The following KYAT3 variants were observed in gnomAD, a reference collection of about 807,000 sequenced individuals.
The protein encoded by KYAT3 is kynurenine--oxoglutarate transaminase 3.
In KYAT3, 50 loss-of-function variants were observed where a neutral mutation model predicts 59.0. The ratio of observed to expected loss-of-function variants is 0.85; its 90% CI spans 0.68 to 1.07. KYAT3 has a LOEUF of 1.07. Ranked by LOEUF, KYAT3 falls within the 50% of genes least tolerant of loss-of-function variation. The pLI is 0.00. For synonymous variants in KYAT3, 148 were observed against 177.0 expected, an observed-to-expected ratio of 0.84 and a Z score of 1.30; for missense variants, 497 against 533.3, an observed-to-expected ratio of 0.93 and a Z score of 0.67.
At chr1:88,970,873 T>C (rs1676531098) in intron 2 of KYAT3, among the ~76,000 whole-genome samples, 1 of 152,220 alleles carries the variant, frequency 6.6e-6, no homozygotes, top group South Asian at 2.1e-4. Context: ...AAATAGACCA[T>C]TGTTCTCATT....
the KYAT3 span, among the ~76,000 whole-genome samples, chr1:88,922,412 G>A: frequency 6.6e-6 from 1 of 152,182 alleles, no homozygotes; most frequent in Non-Finnish European, 1.5e-5. Context: ...CCTCCAGGTG[G>A]CAGACTGGTA....
chr1:88,963,192 A>G (rs775553150), intron 5 of KYAT3, among the ~76,000 whole-genome samples: 8 of 152,170 alleles, frequency 5.3e-5, no homozygotes, highest in Non-Finnish European at 1.0e-4. Context: ...AGTGACATGT[A>G]TGTGGTTTCA....
chr1:88,985,314 C>T (rs1482051928), intron 2 of KYAT3, among the ~76,000 whole-genome samples: 1 of 152,208 alleles, frequency 6.6e-6, no homozygotes, highest in Non-Finnish European at 1.5e-5. Flanking sequence ...TCAGCTCCCC[C>T]AATCACAGCT....
Position 88,968,674 on chromosome 1 carries a change from C to A in KYAT3, c.299G>T (p.Gly100Val). 6 of 1,563,942 alleles carry A rather than the reference C, an allele frequency of 3.8e-6. No homozygotes were observed. The highest frequency in any genetic ancestry group is 4.3e-6 in the Non-Finnish European group (5 of 1,164,014). The change falls in exon 4 of 14, where the codon GGC becomes GTC. Residue 100 changes from glycine (G) to valine (V), a missense_variant. Around this residue, in one of 2 missense-constraint regions of KYAT3, gnomAD observed 469 missense variants for 479.1 expected, o/e 0.98. Coordinates refer to ENST00000260508, the MANE Select transcript of KYAT3 (RefSeq NM_001008661.3). ...AIDSLNQYTR[G>V]FGHPSLVKAL... Reference sequence around the variant, plus strand: ...ATATGGTCTTGATATACTTACAAAGCCTCGTGTATACTGATTCAGGCTATC... The same window carrying A: ...ATATGGTCTTGATATACTTACAAAGACTCGTGTATACTGATTCAGGCTATC...
At chr1:88,940,567 T>G (rs1310796437) in intron 13 of KYAT3, among the ~76,000 whole-genome samples, 1 of 152,096 alleles carries the variant, frequency 6.6e-6, no homozygotes, top group African/African-American at 2.4e-5. Context: ...CCTTGTCTCA[T>G]AGTAAAATTT....
downstream of KYAT3, among the ~76,000 whole-genome samples, chr1:88,932,693 A>C (rs952197190): frequency 1.2e-4 from 18 of 152,066 alleles, no homozygotes; most frequent in African/African-American, 4.3e-4. Flanking sequence ...ATAAGGTCTC[A>C]CTATGTTGCC....
At chr1:88,980,810 GAATATGGA>G (rs1677044792) in intron 2 of KYAT3, 1 of 152,110 alleles carries the variant, frequency 6.6e-6, no homozygotes, top group South Asian at 2.1e-4. Context: ...GTAATCATAA[GAATATGGA>G]AGGATTCGGC....
chr1:88,946,283 G>T (rs1397003131), intron 11 of KYAT3, among the ~76,000 whole-genome samples: 3 of 151,720 alleles, frequency 2.0e-5, no homozygotes, highest in African/African-American at 7.3e-5. Context: ...GTGAACCTAG[G>T]TGACTGAAAT....
At chr1:88,967,076 A>G (rs1244876598) in intron 4 of KYAT3, among the ~76,000 whole-genome samples, 2 of 152,072 alleles carry the variant, frequency 1.3e-5, no homozygotes, top group Admixed American at 6.6e-5. Flanking sequence ...ACACACAGGC[A>G]CACACACATG....
chr1:88,923,206 G>T, the KYAT3 span, among the ~76,000 whole-genome samples: 2 of 152,214 alleles, frequency 1.3e-5, no homozygotes, highest in Admixed American at 1.3e-4. Context: ...TATATGTCAA[G>T]TAATCACATT....
At chr1:88,935,707 AAACAAATAGATGTGGT>A (rs1675008805), downstream of KYAT3, 1 of 296,786 alleles carries the variant, frequency 3.4e-6, no homozygotes, top group Admixed American at 5.0e-5. Context: ...TGGGTACACA[AAACAAATAGATGTGGT>A]TGAGGGGTGG....
intron 2 of KYAT3, among the ~76,000 whole-genome samples, chr1:88,975,806 G>C (rs1367137564): frequency 6.6e-6 from 1 of 150,960 alleles, no homozygotes; most frequent in Non-Finnish European, 1.5e-5. Context: ...AGGCTGGGGT[G>C]GGTGGACCAC....
the KYAT3 span, among the ~76,000 whole-genome samples, chr1:88,924,767 G>A: frequency 1.3e-5 from 2 of 152,190 alleles, no homozygotes; most frequent in African/African-American, 4.8e-5. Flanking sequence ...TCCCGATTGG[G>A]CTAAAGGCTT....
At chr1:88,969,844 G>A (rs1256630324) in intron 2 of KYAT3, among the ~76,000 whole-genome samples, 2 of 152,042 alleles carry the variant, frequency 1.3e-5, no homozygotes, top group African/African-American at 4.8e-5. Flanking sequence ...ATTTTATAGA[G>A]ACAGGGTCTT....
At chr1:88,953,395 A>T (rs532543529) in intron 9 of KYAT3, among the ~76,000 whole-genome samples, 1 of 151,976 alleles carries the variant, frequency 6.6e-6, no homozygotes, top group East Asian at 1.9e-4. Context: ...AATACAAAAA[A>T]ATTAGCTGGG....
Position 88,988,357 on chromosome 1 carries a change from A to G in KYAT3, c.-1-6T>C. 1 of 1,575,064 alleles carries G rather than the reference A, an allele frequency of 6.3e-7. No homozygotes were observed. The highest frequency in any genetic ancestry group is 1.1e-5 in the South Asian group (1 of 89,348). ...TCCTCTGGGCCAAAAACATGCTATT[A>G]AATAAAAGAAAAATTGAGAAGAGGA... On this transcript the variant is annotated splice_polypyrimidine_tract_variant and splice_region_variant and intron_variant, in intron 1 of 13. Coordinates refer to ENST00000260508, the MANE Select transcript of KYAT3 (RefSeq NM_001008661.3).
chr1:88,949,979 T>C (rs1043778236), intron 10 of KYAT3, among the ~76,000 whole-genome samples: 6 of 152,122 alleles, frequency 3.9e-5, no homozygotes, highest in Non-Finnish European at 8.8e-5. Flanking sequence ...GTGGGGCCTT[T>C]AGGAAGTGAT....
intron 10 of KYAT3, among the ~76,000 whole-genome samples, chr1:88,950,703 C>T (rs1047266024): frequency 6.6e-6 from 1 of 152,186 alleles, no homozygotes; most frequent in African/African-American, 2.4e-5. Context: ...TCACTTTTTA[C>T]TGCTTCTACC....
At chr1:88,921,346 A>C in the KYAT3 span, among the ~76,000 whole-genome samples, 1 of 152,222 alleles carries the variant, frequency 6.6e-6, no homozygotes, top group Non-Finnish European at 1.5e-5. Flanking sequence ...ACTTTTGACT[A>C]GTTGCAAAGG....
Sources: allele counts gnomAD v4.1 joint callset (sites outside exome capture counted in the v4.1 genomes callset), GRCh38; gene constraint gnomAD v4.1.1; regional missense constraint gnomAD v4.1.1; transcripts MANE v1.5; gene names NCBI Gene and HGNC (gene_info 2026-07-23, HGNC 2026-07-21).